SNX7: variants seen among roughly 807,000 people sequenced by gnomAD.
The protein encoded by SNX7 is sorting nexin 7.
SNX7 carries 35 observed loss-of-function variants against 48.4 expected under a neutral mutation model. The observed-to-expected ratio is 0.72, with a 90% CI of 0.55 to 0.96. The LOEUF (loss-of-function observed/expected upper bound fraction) is 0.96. SNX7 is among the 40% of genes least tolerant of loss of function. The pLI, the probability that SNX7 is intolerant of heterozygous loss-of-function variation, is 0.00. For synonymous variants in SNX7, 190 were observed against 190.2 expected, an observed-to-expected ratio of 1.00 and a Z score of 0.01; for missense variants, 553 against 548.9, an observed-to-expected ratio of 1.01 and a Z score of -0.07.
intron 6 of SNX7, 69 bp downstream of exon 6, chr1:98,698,974 A>C (rs553722358): frequency 5.0e-5 from 73 of 1,459,404 alleles, no homozygotes; most frequent in Non-Finnish European, 6.7e-5. Flanking sequence ...AGGCAACTGT[A>C]TTTCTTTTCT....
chr1:98,701,408 T>C (rs1241173081), intron 6 of SNX7, among the ~76,000 whole-genome samples: 2 of 152,156 alleles, frequency 1.3e-5, no homozygotes, highest in Non-Finnish European at 2.9e-5. Context: ...CCACAGAGTG[T>C]AGATATGGTC....
At chr1:98,662,401 G>A (rs1297487954) in intron 1 of SNX7, 1 of 208,282 alleles carries the variant, frequency 4.8e-6, no homozygotes, top group Non-Finnish European at 9.9e-6. Flanking sequence ...CGGGTCTTGT[G>A]GGAATAGGTT....
upstream of SNX7, among the ~76,000 whole-genome samples, chr1:98,661,418 C>T (rs112638108): frequency 6.6e-6 from 1 of 152,146 alleles, no homozygotes; most frequent in Non-Finnish European, 1.5e-5. Context: ...TCGGTGGCCC[C>T]CGACTGGGTC....
intron 8 of SNX7, among the ~76,000 whole-genome samples, chr1:98,752,642 G>A (rs910315751): frequency 6.6e-6 from 1 of 151,994 alleles, no homozygotes; most frequent in Non-Finnish European, 1.5e-5. Flanking sequence ...TTTTCTGATG[G>A]CCAGCATCTT....
At chr1:98,749,199 C>T (rs1489246035) in intron 8 of SNX7, among the ~76,000 whole-genome samples, 2 of 151,976 alleles carry the variant, frequency 1.3e-5, no homozygotes, top group Non-Finnish European at 2.9e-5. Context: ...TATATTAGAC[C>T]TTTCAGAGCC....
chr1:98,721,349 G>A (rs1652862160), intron 7 of SNX7, among the ~76,000 whole-genome samples: 1 of 152,214 alleles, frequency 6.6e-6, no homozygotes, highest in African/African-American at 2.4e-5. Flanking sequence ...AACTGTGCAC[G>A]TAAGTAGACA....
intron 1 of SNX7, among the ~76,000 whole-genome samples, chr1:98,668,665 CA>C (rs1649676402): frequency 6.6e-6 from 1 of 152,066 alleles, no homozygotes; most frequent in Non-Finnish European, 1.5e-5. Context: ...TGGTGAAGAA[CA>C]AAAAGTGATT....
At chr1:98,759,958 G>C (rs1655030455) in intron 8 of SNX7, 96 bp from the exon 9 acceptor site, 1 of 767,866 alleles carries the variant, frequency 1.3e-6, no homozygotes, top group South Asian at 1.6e-5. Flanking sequence ...GAATAGAGCA[G>C]ATTGCAGTAG....
At chr1:98,738,975 A>G (rs1027464815) in intron 8 of SNX7, among the ~76,000 whole-genome samples, 1 of 152,032 alleles carries the variant, frequency 6.6e-6, no homozygotes, top group Admixed American at 6.6e-5. Flanking sequence ...TAATGAATAT[A>G]TGAAATTATT....
chr1:98,741,282 T>G (rs568848247), intron 8 of SNX7, among the ~76,000 whole-genome samples: 27 of 152,262 alleles, frequency 1.8e-4, no homozygotes, highest in African/African-American at 5.1e-4. Context: ...AATTAAAAGT[T>G]AAATATCAAA....
chr1:98,711,745 G>A (rs1652320325), intron 7 of SNX7, among the ~76,000 whole-genome samples: 2 of 152,158 alleles, frequency 1.3e-5, no homozygotes, highest in Non-Finnish European at 2.9e-5. Context: ...CTTAAAATAT[G>A]AGAATAAGGA....
chr1:98,686,863 T>C (rs143655593), intron 2 of SNX7, among the ~76,000 whole-genome samples: 2,138 of 152,282 alleles, frequency 0.014, 39 homozygotes, highest in Non-Finnish European at 0.018. Flanking sequence ...TTATCCATTC[T>C]AGCAAATAAT....
chr1:98,755,843 G>A (rs1043764817), intron 8 of SNX7, among the ~76,000 whole-genome samples: 1 of 151,832 alleles, frequency 6.6e-6, no homozygotes, highest in African/African-American at 2.4e-5. Flanking sequence ...TTTAAACAAA[G>A]TATAGGTAGG....
chr1:98,663,251 T>C (rs1196199920), intron 1 of SNX7, among the ~76,000 whole-genome samples: 38 of 9,962 alleles, frequency 3.8e-3, no homozygotes, highest in African/African-American at 0.011. Flanking sequence ...GGTTTCTTTC[T>C]GGTTTTTTTT....
At chr1:98,731,436 C>T (rs1228452294) in intron 7 of SNX7, among the ~76,000 whole-genome samples, 2 of 152,042 alleles carry the variant, frequency 1.3e-5, no homozygotes, top group Non-Finnish European at 2.9e-5. Flanking sequence ...CTTCAGAATT[C>T]CCTCATGTTG....
At chr1:98,675,666 C>T (rs977831835) in intron 1 of SNX7, among the ~76,000 whole-genome samples, 25 of 152,122 alleles carry the variant, frequency 1.6e-4, no homozygotes, top group Non-Finnish European at 2.9e-5. Flanking sequence ...ATACAAAGTA[C>T]GTTTGCCCAC....
rs1032788473 is a variant in SNX7 at position 98,754,085 on chromosome 1, AT to A, written c.1279-5961del. The stretch of plus-strand genomic sequence containing the variant: ...TCCTTTATTCCTAATTTGCTGAGAA[AT>A]TTTTTTTAATAAGCAATGGACATTG... On this transcript the variant is annotated intron_variant, in intron 8 of 8. Transcript: ENST00000306121. Among the ~76,000 whole-genome samples, 5 of 151,928 alleles carry A rather than the reference AT, an allele frequency of 3.3e-5. No individual in the cohort carries two copies. The South Asian group carries it at 6.2e-4, about 19-fold the overall frequency.
chr1:98,752,981 G>T (rs9434448), intron 8 of SNX7, among the ~76,000 whole-genome samples: 43,785 of 151,724 alleles, frequency 0.29, 6,832 homozygotes, highest in Non-Finnish European at 0.34. Flanking sequence ...CCTGGTGATG[G>T]TTCAGGACAT....
chr1:98,696,564 A>G (rs565407405), intron 5 of SNX7, among the ~76,000 whole-genome samples: 1 of 152,174 alleles, frequency 6.6e-6, no homozygotes, highest in South Asian at 2.1e-4. Context: ...TTAAGAATTG[A>G]TTGGTTTTAA....
Sources: allele counts gnomAD v4.1 joint callset (sites outside exome capture counted in the v4.1 genomes callset), GRCh38; gene constraint gnomAD v4.1.1; transcripts MANE v1.5; gene names NCBI Gene and HGNC (gene_info 2026-07-23, HGNC 2026-07-21).